CATSPER1: variants seen among roughly 807,000 people sequenced by gnomAD.
CATSPER1 encodes cation channel sperm-associated protein 1.
CATSPER1 carries 57 observed loss-of-function variants against 72.7 expected under a neutral mutation model. The observed-to-expected ratio is 0.78, with a 90% CI of 0.63 to 0.98. CATSPER1 has a LOEUF of 0.98. Ranked by LOEUF, CATSPER1 falls within the 50% of genes least tolerant of loss-of-function variation. The pLI is 0.00. For missense variants in CATSPER1, 910 were observed against 1,033.9 expected, an observed-to-expected ratio of 0.88 and a Z score of 1.64; for synonymous variants, 363 against 403.0, an observed-to-expected ratio of 0.90 and a Z score of 1.19.
At position 66,020,354 on chromosome 11, in the gene CATSPER1, G is replaced by A. The variant is rs376917892; in HGVS notation, c.2027C>T (p.Thr676Met). The change falls in exon 8 of 12, where the codon ACG becomes ATG. Residue 676 changes from threonine to methionine, a missense_variant. Physicochemically the swap from Thr to Met is moderately conservative, Grantham distance 81. Transcript: ENST00000312106. The surrounding 1 kb of genome is among the most constrained non-coding windows in gnomAD (Gnocchi z 4.5). ...VITVLVDSFQTALFKGLEKAK... is the reference protein window; with the variant it reads ...VITVLVDSFQMALFKGLEKAK... Reference sequence around the variant, plus strand: ...TTTCTCAAGGCCTTTGAACAGCGCCGTCTGGAAGCTATCCACCAGGACAGT... The same window carrying A: ...TTTCTCAAGGCCTTTGAACAGCGCCATCTGGAAGCTATCCACCAGGACAGT... 2.7e-5 allele frequency: 44 copies of A among 1,613,994 alleles called. No homozygotes were observed. The highest frequency in any genetic ancestry group is 1.6e-4 in the Middle Eastern group (1 of 6,084).
At chr11:66,023,402 C>T (rs974101626) in intron 1 of CATSPER1, among the ~76,000 whole-genome samples, 1 of 151,908 alleles carries the variant, frequency 6.6e-6, no homozygotes, top group African/African-American at 2.4e-5. Flanking sequence ...CACAGGGGTG[C>T]GCTCAGGGCT....
At chr11:66,017,912 T>C (rs776171178) in intron 10 of CATSPER1, among the ~76,000 whole-genome samples, 16 of 152,056 alleles carry the variant, frequency 1.1e-4, no homozygotes, top group Non-Finnish European at 4.4e-5. Flanking sequence ...GAAAGATAAG[T>C]GAGAGCCCAG....
Position 66,026,392 on chromosome 11 carries a change from A to C in CATSPER1, c.-13T>G. The C allele has an allele frequency of 6.2e-7, 1 of 1,604,004 alleles. No individual in the cohort carries two copies. The highest frequency in any genetic ancestry group is 8.5e-7 in the Non-Finnish European group (1 of 1,175,682). ...AGTTTTGATCCATGACTGTGCTGGG[A>C]ACTCTGGAGCCAAAAGAGCTCAAGA... On this transcript the variant is annotated 5_prime_UTR_variant, in exon 1 of 12. Transcript: ENST00000312106.
At position 66,020,858 on chromosome 11, in the gene CATSPER1, A is replaced by G; in HGVS notation, c.1880T>C (p.Leu627Pro). The change falls in exon 6 of 12, where the codon CTC becomes CCC. Residue 627 changes from leucine to proline, a missense_variant. Transcript: ENST00000312106. This position sits in a 1 kb window ranked among gnomAD's most constrained non-coding sequence, Gnocchi z 4.5. The part of the protein sequence containing the change: ...FTTIFTLFTL[L>P]TLDDWSLIYM... ...GATGAGGGACCAGTCATCCAGCGTGAGCAAGGTGAAGAGGGTGAAGATGGT... is the reference window on the plus strand; with the variant it reads ...GATGAGGGACCAGTCATCCAGCGTGGGCAAGGTGAAGAGGGTGAAGATGGT... The G allele has an allele frequency of 2.5e-6, 4 of 1,613,948 alleles. No homozygotes were observed. The highest frequency in any genetic ancestry group is 3.4e-6 in the Non-Finnish European group (4 of 1,180,030).
chr11:66,017,182 T>TGGGGGGGGGGGGG lies in CATSPER1; in HGVS notation c.2202-9_2202-8insCCCCCCCCCCCCC. ...AACAGGAGCTCCTGCTGCCTGCGGG[T>TGGGGGGGGGGGGG]GGGCGGGGGGGTCGCAGAGACAGGG... On this transcript the variant is annotated splice_polypyrimidine_tract_variant and intron_variant, in intron 10 of 11. Transcript: ENST00000312106. 5.8e-6 allele frequency: 1 copy of TGGGGGGGGGGGGG among 173,894 alleles called. No homozygotes were observed. 10.8% of individuals were successfully genotyped at this position (173,894 alleles called of 1,614,324 possible). A position where few individuals can be genotyped will look rare whatever the true frequency, so the allele number is the denominator to read the frequency against.
At chr11:66,024,330 T>G (rs1169779252) in intron 1 of CATSPER1, among the ~76,000 whole-genome samples, 2 of 142,906 alleles carry the variant, frequency 1.4e-5, no homozygotes, top group South Asian at 2.2e-4. Flanking sequence ...CCGGCCGGAG[T>G]GCAGTGGCAC....
rs1028137300 is a variant in CATSPER1, at chr11:66,020,291, T to C, written c.2064+26A>G. ...TCACTCCTCCAGCTTCCTGATCTGG[T>C]CCACCTGTCCCACCCCACTCGGTAC... On this transcript the variant is annotated intron_variant, in intron 8 of 11. Transcript: ENST00000312106. The surrounding 1 kb of genome is among the most constrained non-coding windows in gnomAD (Gnocchi z 4.5). 3 of 1,614,112 alleles carry C rather than the reference T, an allele frequency of 1.9e-6. No homozygotes were observed. Among genetic ancestry groups the C allele is most frequent in the South Asian group, 1.1e-5 (1 of 91,084 alleles).
At chr11:66,021,052 G>A in intron 5 of CATSPER1, 42 bp downstream of exon 5, 2 of 1,598,054 alleles carry the variant, frequency 1.3e-6, no homozygotes, top group Non-Finnish European at 1.7e-6. Context: ...TTTCACCGCA[G>A]CCCCTCAGGC....
At position 66,017,178 on chromosome 11, in the gene CATSPER1, C is replaced by A; in HGVS notation, c.2202-4G>T. 4 of 191,236 alleles carry A rather than the reference C, an allele frequency of 2.1e-5. No individual in the cohort carries two copies. Among genetic ancestry groups the A allele is most frequent in the South Asian group, 1.1e-4 (3 of 26,406 alleles). 11.8% of individuals were successfully genotyped at this position (191,236 alleles called of 1,614,324 possible). On this transcript the variant is annotated splice_polypyrimidine_tract_variant and splice_region_variant and intron_variant, in intron 10 of 11. Coordinates refer to ENST00000312106, the MANE Select transcript of CATSPER1 (RefSeq NM_053054.4). ...ATGGAACAGGAGCTCCTGCTGCCTG[C>A]GGGTGGGCGGGGGGGTCGCAGAGAC...
intron 4 of CATSPER1, 87 bp downstream of exon 4, chr11:66,021,409 A>G: frequency 2.6e-6 from 4 of 1,519,158 alleles, no homozygotes; most frequent in Non-Finnish European, 3.6e-6. Flanking sequence ...TCCCTTGAGC[A>G]GGTCACAGTG....
chr11:66,025,195 G>T lies in CATSPER1; in HGVS notation c.1185C>A (p.Gly395=). ...DISTKHSEDW[G]KEEGQFQKRK... is the part of the protein sequence containing the mutation. Reference sequence around the variant, plus strand: ...GTTTCTGAAATTGCCCTTCTTCTTTGCCCCAGTCTTCTGAATGTTTGGTGG... The same window carrying T: ...GTTTCTGAAATTGCCCTTCTTCTTTTCCCCAGTCTTCTGAATGTTTGGTGG... Residue 395 remains glycine, a synonymous_variant, in exon 1 of 12, where the codon GGC becomes GGA. Transcript: ENST00000312106. 6.2e-7 allele frequency: 1 copy of T among 1,614,192 alleles called. No individual in the cohort carries two copies. Among genetic ancestry groups the T allele is most frequent in the Non-Finnish European group, 8.5e-7 (1 of 1,180,036 alleles).
chr11:66,023,784 G>T (rs902424630), intron 1 of CATSPER1, among the ~76,000 whole-genome samples: 4 of 151,766 alleles, frequency 2.6e-5, no homozygotes, highest in Admixed American at 2.6e-4. Flanking sequence ...CTTTGCTCAC[G>T]TGGCAACTTA....
In CATSPER1 at chr11:66,020,311, C is replaced by T. The variant is rs143930161; in HGVS notation, c.2064+6G>A. ...TCTGGTCCACCTGTCCCACCCCACT[C>T]GGTACCTCCTGCTTCGCTTTCTCAA... On this transcript the variant is annotated splice_donor_region_variant and intron_variant, in intron 8 of 11. Coordinates refer to ENST00000312106, the MANE Select transcript of CATSPER1 (RefSeq NM_053054.4). The surrounding 1 kb of genome is among the most constrained non-coding windows in gnomAD (Gnocchi z 4.5). The T allele has an allele frequency of 2.4e-4, 384 of 1,614,186 alleles. 1 individual carries two copies. In the East Asian group the frequency reaches 6.9e-3, roughly 29 times the overall value.
rs187934495 is a variant in CATSPER1 at position 66,025,915 on chromosome 11, G to A, written c.465C>T (p.Leu155=). ...AGGAATAGTGGGATAAATTCTCACCGAGATATTGGGGTCTGCCATGGTGAG... is the reference window on the plus strand; with the variant it reads ...AGGAATAGTGGGATAAATTCTCACCAAGATATTGGGGTCTGCCATGGTGAG... ...RGSHHGRPQY[L]GENLSHYSSG... is the part of the protein sequence containing the mutation. Residue 155 remains leucine (L), a synonymous_variant, in exon 1 of 12, where the codon CTC becomes CTT. Coordinates refer to ENST00000312106, the MANE Select transcript of CATSPER1 (RefSeq NM_053054.4). The A allele has an allele frequency of 3.3e-5, 53 of 1,613,482 alleles. No individual in the cohort carries two copies. The highest frequency in any genetic ancestry group is 2.4e-4 in the South Asian group (22 of 91,032).
chr11:66,020,931 C>T lies in CATSPER1; in HGVS notation c.1807G>A (p.Ala603Thr), dbSNP rs564149936. Residue 603 changes from alanine to threonine, a missense_variant, in exon 6 of 12, where the codon GCA (alanine) becomes ACA (threonine). Ala to Thr is a moderately conservative substitution (Grantham distance 58). Transcript: ENST00000312106. The surrounding 1 kb of genome is among the most constrained non-coding windows in gnomAD (Gnocchi z 4.5). ...CLFLFSAVLR[A>T]LFRKSDPKRF... ...TTGGGGTCAGATTTGCGGAACAGTG[C>T]CCGGAGGACCGCGGAGAAGAGGACT... The T allele has an allele frequency of 6.2e-7, 1 of 1,614,002 alleles. No individual in the cohort carries two copies. Among genetic ancestry groups the T allele is most frequent in the South Asian group, 1.1e-5 (1 of 91,082 alleles).
At chr11:66,024,213 A>G (rs1856442144) in intron 1 of CATSPER1, among the ~76,000 whole-genome samples, 2 of 146,208 alleles carry the variant, frequency 1.4e-5, no homozygotes, top group Admixed American at 1.4e-4. Flanking sequence ...CAATCTACCT[A>G]CCTTGGACTC....
chr11:66,019,894 G>C (rs989092444), intron 9 of CATSPER1, among the ~76,000 whole-genome samples: 1 of 128,398 alleles, frequency 7.8e-6, no homozygotes, highest in East Asian at 2.6e-4. Flanking sequence ...TCCAGCCTGT[G>C]CGACAGAGCA....
intron 1 of CATSPER1, among the ~76,000 whole-genome samples, chr11:66,023,511 T>C (rs150397893): frequency 6.6e-6 from 1 of 152,266 alleles, no homozygotes; most frequent in Non-Finnish European, 1.5e-5. Flanking sequence ...CTGCGCGACT[T>C]CACTACTGCT....
chr11:66,022,382 T>A (rs1310004296), intron 2 of CATSPER1, among the ~76,000 whole-genome samples: 3 of 152,044 alleles, frequency 2.0e-5, no homozygotes, highest in Non-Finnish European at 4.4e-5. Context: ...CTTGATAGAG[T>A]TGTGAGCGTT....
Sources: allele counts gnomAD v4.1 joint callset (sites outside exome capture counted in the v4.1 genomes callset), GRCh38; gene constraint gnomAD v4.1.1; non-coding constraint Gnocchi (gnomAD v3.1); transcripts MANE v1.5; gene names NCBI Gene and HGNC (gene_info 2026-07-23, HGNC 2026-07-21).